The following ARSG variants were observed in gnomAD, a reference collection of about 807,000 sequenced individuals.
The protein encoded by ARSG is arylsulfatase G, also known as ASG.
ARSG carries 37 observed loss-of-function variants against 50.5 expected under a neutral mutation model. The observed-to-expected ratio is 0.73, with a 90% CI of 0.56 to 0.96. The LOEUF (loss-of-function observed/expected upper bound fraction) is 0.96, where lower values mean the gene tolerates loss of function less well. ARSG is among the 50% of genes least tolerant of loss of function. ARSG has a pLI of 0.00. For synonymous variants in ARSG, 225 were observed against 254.6 expected (o/e 0.88, Z 1.11); for missense variants, 629 against 675.3 (o/e 0.93, Z 0.76).
At chr17:68,320,119 T>C (rs1408096662) in intron 2 of ARSG, among the ~76,000 whole-genome samples, 4 of 152,096 alleles carry the variant, frequency 2.6e-5, no homozygotes, top group African/African-American at 7.2e-5. Flanking sequence ...AAATCCCATC[T>C]CTACTAAAAT....
At chr17:68,440,376 C>G in the ARSG span, among the ~76,000 whole-genome samples, 1 of 152,192 alleles carries the variant, frequency 6.6e-6, no homozygotes, top group Non-Finnish European at 1.5e-5. Flanking sequence ...TTCTGCCAGT[C>G]TCCTCTTTCT....
At chr17:68,316,261 G>A (rs566460554) in intron 2 of ARSG, among the ~76,000 whole-genome samples, 1 of 152,206 alleles carries the variant, frequency 6.6e-6, no homozygotes, top group South Asian at 2.1e-4. Flanking sequence ...TTTCCTGACC[G>A]TGCTCTCCAA....
chr17:68,426,245 G>GGT (rs1555798464), downstream of ARSG: 3 of 948,270 alleles, frequency 3.2e-6, no homozygotes, highest in African/African-American at 1.6e-5. Flanking sequence ...TGGCGGGTGG[G>GGT]GAGCGGGGGC....
chr17:68,321,497 A>G (rs1555770551), intron 2 of ARSG, among the ~76,000 whole-genome samples: 1 of 152,108 alleles, frequency 6.6e-6, no homozygotes, highest in Non-Finnish European at 1.5e-5. Flanking sequence ...TTAAAAACCT[A>G]TTTTCACGTC....
At chr17:68,321,195 GAAAC>G (rs1367037592) in intron 2 of ARSG, among the ~76,000 whole-genome samples, 1 of 152,084 alleles carries the variant, frequency 6.6e-6, no homozygotes, top group Non-Finnish European at 1.5e-5. Flanking sequence ...AAAGGAGAAA[GAAAC>G]AAAAAGAAAA....
downstream of ARSG, among the ~76,000 whole-genome samples, chr17:68,423,529 C>A (rs183209077): frequency 4.3e-4 from 65 of 152,318 alleles, 1 homozygote; most frequent in Middle Eastern, 6.8e-3. This position sits in a 1 kb window ranked among gnomAD's most constrained non-coding sequence, Gnocchi z 4.4. Flanking sequence ...TTCTAGGGAC[C>A]TTGTTCAGTG....
chr17:68,305,732 T>C (rs1555763773), intron 1 of ARSG, among the ~76,000 whole-genome samples: 2 of 152,146 alleles, frequency 1.3e-5, no homozygotes. Context: ...ATTCTATTAT[T>C]AACTTTTTAA....
At chr17:68,266,454 AGTATATATAT>A (rs1469267994) in intron 1 of ARSG, among the ~76,000 whole-genome samples, 6 of 95,714 alleles carry the variant, frequency 6.3e-5, no homozygotes, top group African/African-American at 1.3e-4. Flanking sequence ...TTGTATAAAA[AGTATATATAT>A]GTATATATAT....
intron 1 of ARSG, among the ~76,000 whole-genome samples, chr17:68,284,716 C>T (rs782497444): frequency 8.5e-5 from 13 of 152,308 alleles, no homozygotes; most frequent in Non-Finnish European, 1.5e-4. Context: ...ACTGATAGCG[C>T]CATTCCCACT....
intron 1 of ARSG, chr17:68,272,875 T>C (rs1555749517): frequency 7.5e-7 from 1 of 1,341,436 alleles, no homozygotes; most frequent in African/African-American, 1.5e-5. Flanking sequence ...AATCTTAAGT[T>C]CTAGGAGCCA....
chr17:68,450,733 G>A, the ARSG span: 63 of 1,606,908 alleles, frequency 3.9e-5, no homozygotes, highest in Middle Eastern at 1.7e-4. Context: ...CTTACTTGCC[G>A]GTTCAGCCTT....
At chr17:68,435,670 C>T in the ARSG span, 1 of 1,614,228 alleles carries the variant, frequency 6.2e-7, no homozygotes, top group Non-Finnish European at 8.5e-7. Flanking sequence ...AAGGTGATGG[C>T]AGCTAGTGTT....
rs539294350 is a variant in ARSG, at chr17:68,381,145, C to T, written c.983-3919C>T. 6.6e-6 allele frequency among the ~76,000 whole-genome samples: 1 copy of T among 152,288 alleles called. No homozygotes were observed. Among genetic ancestry groups the T allele is most frequent in the East Asian group, 1.9e-4 (1 of 5,188 alleles). ...GCATTGCCTTTCTGACTCAGTGAAA[C>T]ATGGCCCTTGGGTCCCAGCCAAGAA... On this transcript the variant is annotated intron_variant, in intron 8 of 11. Transcript: ENST00000621439. This position sits in a 1 kb window ranked among gnomAD's most constrained non-coding sequence, Gnocchi z 4.1.
intron 1 of ARSG, chr17:68,274,167 A>C (rs1406012386): frequency 2.2e-6 from 3 of 1,340,430 alleles, no homozygotes; most frequent in Non-Finnish European, 3.1e-6. Flanking sequence ...TGGAGAGATG[A>C]TGTCGAATAT....
intron 9 of ARSG, among the ~76,000 whole-genome samples, chr17:68,394,323 C>G (rs866072446): frequency 6.6e-6 from 1 of 152,002 alleles, no homozygotes; most frequent in Admixed American, 6.6e-5. Flanking sequence ...GTGTTCTGAT[C>G]GGGCGCAGTG....
At chr17:68,436,993 CAAAAAA>C in the ARSG span, among the ~76,000 whole-genome samples, 109 of 124,762 alleles carry the variant, frequency 8.7e-4, no homozygotes, top group African/African-American at 1.4e-3. Flanking sequence ...GACCCCGTCT[CAAAAAA>C]AAAAAAATAT....
chr17:68,449,979 C>T, the ARSG span, among the ~76,000 whole-genome samples: 2 of 152,248 alleles, frequency 1.3e-5, no homozygotes, highest in South Asian at 4.1e-4. Context: ...CCACTGCATT[C>T]CAGCCTGGGC....
chr17:68,296,143 G>A (rs76374293), intron 1 of ARSG, among the ~76,000 whole-genome samples: 5,302 of 152,170 alleles, frequency 0.035, 143 homozygotes, highest in Non-Finnish European at 0.054. Flanking sequence ...GTGAATGCAC[G>A]TCACATTAAA....
At chr17:68,261,281 T>C (rs2075067822) in intron 1 of ARSG, among the ~76,000 whole-genome samples, 1 of 152,234 alleles carries the variant, frequency 6.6e-6, no homozygotes, top group African/African-American at 2.4e-5. Context: ...TGCCAGGCCC[T>C]GCTCAAAGCC....
Sources: allele counts gnomAD v4.1 joint callset (sites outside exome capture counted in the v4.1 genomes callset), GRCh38; gene constraint gnomAD v4.1.1; non-coding constraint Gnocchi (gnomAD v3.1); transcripts MANE v1.5; gene names NCBI Gene and HGNC (gene_info 2026-07-23, HGNC 2026-07-21).